Variants in ARID1B observed in about 807,000 individuals in gnomAD.
The protein encoded by ARID1B is AT-rich interaction domain 1B.
Under a neutral mutation model 212.3 loss-of-function variants are expected in ARID1B, and 30 were observed. That is an observed-to-expected ratio of 0.14 (90% CI 0.11 to 0.19). ARID1B has a LOEUF of 0.19. Among genes scored for constraint, ARID1B ranks in the 10% least tolerant of loss-of-function variants. ARID1B has a pLI of 1.00. For synonymous variants in ARID1B, 1,402 were observed against 1,301.7 expected (o/e 1.08, Z -1.66); for missense variants, 2,891 against 3,204.0 (o/e 0.90, Z 2.36).
intron 8 of ARID1B, among the ~76,000 whole-genome samples, chr6:157,153,680 C>G (rs535236206): frequency 1.3e-5 from 2 of 152,258 alleles, no homozygotes; most frequent in African/African-American, 4.8e-5. Context: ...GCTGTGGATC[C>G]CAGGCTAAAC....
At chr6:157,199,703 G>A (rs999229803) in intron 17 of ARID1B, among the ~76,000 whole-genome samples, 64 of 151,526 alleles carry the variant, frequency 4.2e-4, no homozygotes, top group East Asian at 1.9e-4. Context: ...ATGGAGTCTC[G>A]CTCTGTCTGG....
At chr6:157,037,627 G>A (rs934871729) in intron 4 of ARID1B, among the ~76,000 whole-genome samples, 1 of 152,212 alleles carries the variant, frequency 6.6e-6, no homozygotes, top group African/African-American at 2.4e-5. Context: ...GACTGGAGAG[G>A]TTAAAGATAA....
intron 5 of ARID1B, among the ~76,000 whole-genome samples, chr6:157,105,435 C>G (rs1786390234): frequency 6.6e-6 from 1 of 151,976 alleles, no homozygotes; most frequent in Admixed American, 6.6e-5. Flanking sequence ...GCTAATATCT[C>G]TAATATATGA....
intron 4 of ARID1B, among the ~76,000 whole-genome samples, chr6:157,001,003 C>T (rs1404069274): frequency 6.6e-6 from 1 of 152,140 alleles, no homozygotes; most frequent in Non-Finnish European, 1.5e-5. Context: ...CCTAAACACT[C>T]ATTTCTAATA....
At chr6:156,887,679 T>A (rs1010265913) in intron 2 of ARID1B, among the ~76,000 whole-genome samples, 1 of 152,114 alleles carries the variant, frequency 6.6e-6, no homozygotes, top group Non-Finnish European at 1.5e-5. Flanking sequence ...GCACCCACCC[T>A]CCTGCACCCT....
chr6:156,958,083 G>A (rs552645129), intron 4 of ARID1B, among the ~76,000 whole-genome samples: 8 of 152,248 alleles, frequency 5.3e-5, no homozygotes, highest in Middle Eastern at 3.4e-3. Context: ...TTTGTCACCC[G>A]CCTTGCAAAC....
intron 7 of ARID1B, among the ~76,000 whole-genome samples, chr6:157,138,830 C>T (rs977549317): frequency 2.6e-5 from 4 of 152,146 alleles, no homozygotes; most frequent in African/African-American, 7.2e-5. Context: ...TTAATTCCTT[C>T]TTCTATACTG....
chr6:156,831,438 C>G lies in ARID1B; in HGVS notation c.1986+2017C>G, dbSNP rs550320041. On this transcript the variant is annotated intron_variant, in intron 2 of 19. Transcript: ENST00000636930. ...AGTCAGTTTCAAAAGATGCTGTTCA[C>G]GGCAAGCAGCCGGATCTCCCTGGTC... Among the ~76,000 whole-genome samples, 3 of 152,352 alleles carry G rather than the reference C, an allele frequency of 2.0e-5. No individual in the cohort carries two copies. In the East Asian group the frequency reaches 5.8e-4, roughly 29 times the overall value.
At chr6:157,003,329 G>T (rs773664150) in intron 4 of ARID1B, among the ~76,000 whole-genome samples, 15 of 152,176 alleles carry the variant, frequency 9.9e-5, no homozygotes, top group Non-Finnish European at 1.8e-4. Context: ...TACTGCAGAG[G>T]GTGAGGGAGC....
chr6:156,879,310 T>C (rs771547762), intron 2 of ARID1B, among the ~76,000 whole-genome samples: 1 of 152,252 alleles, frequency 6.6e-6, no homozygotes, highest in Admixed American at 6.5e-5. Flanking sequence ...AAATGGAACC[T>C]GTGCTTTGGC....
chr6:157,073,981 A>C (rs536483784), intron 4 of ARID1B, among the ~76,000 whole-genome samples: 68 of 152,278 alleles, frequency 4.5e-4, no homozygotes, highest in Non-Finnish European at 8.8e-4. Flanking sequence ...GCCTTTGCCC[A>C]AGTCCTCCGA....
At chr6:157,051,021 A>G (rs1221805346) in intron 4 of ARID1B, among the ~76,000 whole-genome samples, 1 of 152,224 alleles carries the variant, frequency 6.6e-6, no homozygotes, top group Non-Finnish European at 1.5e-5. Flanking sequence ...GGCCTGTCTG[A>G]ACTGCCACTC....
chr6:157,004,515 A>T (rs145767554), intron 4 of ARID1B, among the ~76,000 whole-genome samples: 2 of 152,242 alleles, frequency 1.3e-5, no homozygotes, highest in Non-Finnish European at 2.9e-5. Context: ...CACTGGGGCC[A>T]TGGAAGGAGA....
Position 156,778,358 on chromosome 6 carries a change from G to A in ARID1B, c.678G>A (p.Ala226=). Reference sequence around the variant, plus strand: ...CCAACAACAACAGCTTGGGCGGCGCGGGCGGCGGCGCGCCTCAGCCCGGCC... The same window carrying A: ...CCAACAACAACAGCTTGGGCGGCGCAGGCGGCGGCGCGCCTCAGCCCGGCC... ...PISNNNSLGG[A]GGGAPQPGPD... is the part of the protein sequence containing the mutation. The change falls in exon 1 of 20, where the codon GCG becomes GCA. Residue 226 remains alanine, a synonymous_variant. Transcript: ENST00000636930. 2 of 1,539,464 alleles carry A rather than the reference G, an allele frequency of 1.3e-6. No individual in the cohort carries two copies. Among genetic ancestry groups the A allele is most frequent in the Non-Finnish European group, 1.7e-6 (2 of 1,146,010 alleles).
In ARID1B at chr6:156,900,217, T is replaced by G. The variant is rs77348874; in HGVS notation, c.1987-1159T>G. 1.9e-4 allele frequency among the ~76,000 whole-genome samples: 29 copies of G among 152,380 alleles called. No individual in the cohort carries two copies. The East Asian group carries it at 5.6e-3, about 29-fold the overall frequency. On this transcript the variant is annotated intron_variant, in intron 2 of 19. Coordinates refer to ENST00000636930, the MANE Select transcript of ARID1B (RefSeq NM_001374828.1). ...TATGGTCACATTTAATCTCATCCTC[T>G]TTGGTAGATCTTGAAAATAATCTGG...
chr6:157,093,069 C>T (rs945794859), intron 5 of ARID1B, among the ~76,000 whole-genome samples: 6 of 152,094 alleles, frequency 3.9e-5, no homozygotes, highest in African/African-American at 4.8e-5. Flanking sequence ...GGCATTGACC[C>T]GCTGCCTTCT....
intron 4 of ARID1B, among the ~76,000 whole-genome samples, chr6:157,000,652 TATG>T (rs1386816449): frequency 6.6e-6 from 1 of 151,854 alleles, no homozygotes; most frequent in Non-Finnish European, 1.5e-5. Flanking sequence ...CTCCAATAAT[TATG>T]ATGGATTTAC....
chr6:157,018,212 CTTTTTTT>C (rs1208883079), intron 4 of ARID1B, among the ~76,000 whole-genome samples: 3 of 72,432 alleles, frequency 4.1e-5, no homozygotes, highest in African/African-American at 1.3e-4. Context: ...AAGTAGTATG[CTTTTTTT>C]TTTTTTTTTT....
intron 2 of ARID1B, among the ~76,000 whole-genome samples, chr6:156,860,619 T>C (rs1156444577): frequency 3.3e-5 from 5 of 152,194 alleles, no homozygotes; most frequent in Admixed American, 6.5e-5. Context: ...GCTGACTCTT[T>C]CATTTACTTG....
Sources: allele counts gnomAD v4.1 joint callset (sites outside exome capture counted in the v4.1 genomes callset), GRCh38; gene constraint gnomAD v4.1.1; transcripts MANE v1.5; gene names NCBI Gene and HGNC (gene_info 2026-07-23, HGNC 2026-07-21).